Variants in SYN2 observed in about 807,000 individuals in gnomAD.
SYN2 encodes the protein synapsin-2.
A neutral mutation model predicts 50.9 loss-of-function variants in SYN2; 19 were observed. The observed-to-expected ratio is 0.37, with a 90% CI of 0.26 to 0.55. SYN2 has a LOEUF of 0.55. Among genes scored for constraint, SYN2 ranks in the 20% least tolerant of loss-of-function variants. SYN2 has a pLI of 0.81. For missense variants in SYN2, 587 were observed against 576.4 expected (o/e 1.02, Z -0.19); for synonymous variants, 255 against 224.9 (o/e 1.13, Z -1.20).
chr3:12,165,067 A>G (rs948945885), intron 7 of SYN2, among the ~76,000 whole-genome samples: 3 of 146,484 alleles, frequency 2.0e-5, no homozygotes, highest in Non-Finnish European at 4.5e-5. Flanking sequence ...GCTCACTGCA[A>G]CCTCCGCCTC....
chr3:12,168,347 G>A (rs764027540), intron 8 of SYN2, 29 bp from the exon 9 acceptor site: 7 of 1,597,012 alleles, frequency 4.4e-6, no homozygotes, highest in Admixed American at 3.4e-5. Flanking sequence ...AATTGCCCCA[G>A]CTTCAGGACA....
At chr3:12,173,653 C>T (rs1031707112) in intron 10 of SYN2, among the ~76,000 whole-genome samples, 5 of 152,188 alleles carry the variant, frequency 3.3e-5, no homozygotes, top group African/African-American at 4.8e-5. Context: ...CAGTGACTCA[C>T]GCCTGTAATC....
In SYN2 at chr3:12,004,632, G is replaced by C. The variant is rs1235136841; in HGVS notation, c.81G>C (p.Gln27His). ...NLPNGYMTDLQRPEPQQPPPP... is the reference protein window; with the variant it reads ...NLPNGYMTDLHRPEPQQPPPP... ...CCAACGGCTACATGACCGACCTGCA[G>C]CGGCCCGAGCCCCAGCAGCCGCCGC... is the stretch of plus-strand genomic sequence containing the variant. Residue 27 changes from glutamine (Q) to histidine (H), a missense_variant, in exon 1 of 13, where the codon CAG (glutamine) becomes CAC (histidine). Transcript: ENST00000621198. 2 of 525,348 alleles carry C rather than the reference G, an allele frequency of 3.8e-6. No individual in the cohort carries two copies. Among genetic ancestry groups the C allele is most frequent in the South Asian group, 5.5e-5 (2 of 36,216 alleles). 32.5% of individuals were successfully genotyped at this position (525,348 alleles called of 1,614,324 possible). A position where few individuals can be genotyped will look rare whatever the true frequency, so the allele number is the denominator to read the frequency against.
chr3:12,040,617 A>T (rs895121288), intron 1 of SYN2, among the ~76,000 whole-genome samples: 14 of 152,040 alleles, frequency 9.2e-5, no homozygotes, highest in African/African-American at 2.9e-4. Context: ...TATTTTTAGT[A>T]GAGACGGGGT....
intron 10 of SYN2, among the ~76,000 whole-genome samples, chr3:12,178,212 T>A (rs1698132898): frequency 6.6e-6 from 1 of 152,174 alleles, no homozygotes; most frequent in African/African-American, 2.4e-5. Flanking sequence ...GCCTGGCCTC[T>A]TTCCTGGGGC....
intron 1 of SYN2, among the ~76,000 whole-genome samples, chr3:12,130,664 AAC>A (rs1696778067): frequency 6.6e-6 from 1 of 152,216 alleles, no homozygotes; most frequent in Non-Finnish European, 1.5e-5. Context: ...TAATCAAGTT[AAC>A]ACATAAAATT....
intron 6 of SYN2, 122 bp from the exon 7 acceptor site, chr3:12,161,890 C>T: frequency 7.2e-7 from 1 of 1,379,628 alleles, no homozygotes. Flanking sequence ...AGATGTGGCA[C>T]CCAGATTAGT....
intron 1 of SYN2, among the ~76,000 whole-genome samples, chr3:12,038,548 A>G (rs1694549629): frequency 6.6e-6 from 1 of 152,132 alleles, no homozygotes; most frequent in Non-Finnish European, 1.5e-5. Context: ...CCATGAACAC[A>G]GATTTTTTTC....
chr3:12,095,986 A>G (rs538196011), intron 1 of SYN2, among the ~76,000 whole-genome samples: 4 of 152,056 alleles, frequency 2.6e-5, no homozygotes, highest in African/African-American at 7.2e-5. Context: ...CTTCAAACTC[A>G]TCTCCTTCCC....
chr3:12,053,658 C>T (rs1193666002), intron 1 of SYN2, among the ~76,000 whole-genome samples: 1 of 151,922 alleles, frequency 6.6e-6, no homozygotes, highest in Non-Finnish European at 1.5e-5. Flanking sequence ...CAATGTTTAC[C>T]ATACAGGACT....
intron 1 of SYN2, among the ~76,000 whole-genome samples, chr3:12,097,331 G>T (rs1695955804): frequency 6.6e-6 from 1 of 152,210 alleles, no homozygotes; most frequent in Admixed American, 6.5e-5. Flanking sequence ...TAATGGCCGG[G>T]TGCGGTGGCT....
chr3:12,174,000 ACTCC>A (rs780622667), intron 10 of SYN2, among the ~76,000 whole-genome samples: 7 of 151,564 alleles, frequency 4.6e-5, no homozygotes, highest in Non-Finnish European at 8.8e-5. Flanking sequence ...ACAGCTGACT[ACTCC>A]CTCCTCTAAA....
At chr3:12,025,612 A>G (rs753505902) in intron 1 of SYN2, among the ~76,000 whole-genome samples, 2 of 152,172 alleles carry the variant, frequency 1.3e-5, no homozygotes, top group African/African-American at 2.4e-5. Context: ...ATCACATTAC[A>G]TAGAAACTAC....
intron 1 of SYN2, among the ~76,000 whole-genome samples, chr3:12,116,468 C>G (rs191363164): frequency 6.6e-6 from 1 of 152,104 alleles, no homozygotes; most frequent in Admixed American, 6.6e-5. Flanking sequence ...TGGTGGCAAA[C>G]GAACTTTTTG....
At chr3:12,073,496 T>A (rs1695407135) in intron 1 of SYN2, among the ~76,000 whole-genome samples, 1 of 152,204 alleles carries the variant, frequency 6.6e-6, no homozygotes, top group Non-Finnish European at 1.5e-5. Flanking sequence ...TTCTCCAGTA[T>A]CCACAGTTTT....
intron 5 of SYN2, chr3:12,157,571 C>CTA (rs1361683935): frequency 6.1e-6 from 8 of 1,301,636 alleles, no homozygotes; most frequent in Non-Finnish European, 7.7e-6. Context: ...ATGAAGAAGT[C>CTA]TATAGGGCAG....
intron 5 of SYN2, chr3:12,154,284 C>T (rs1280688964): frequency 1.9e-6 from 3 of 1,613,494 alleles, no homozygotes; most frequent in Admixed American, 3.3e-5. Flanking sequence ...GCTCAGAACC[C>T]TTCCCCCATC....
intron 1 of SYN2, among the ~76,000 whole-genome samples, chr3:12,074,803 A>G (rs1369872243): frequency 1.3e-5 from 2 of 152,168 alleles, no homozygotes; most frequent in Non-Finnish European, 2.9e-5. Context: ...AGTTGGAACT[A>G]GTGAAAAGCC....
At chr3:12,027,361 A>T (rs923441918) in intron 1 of SYN2, among the ~76,000 whole-genome samples, 2 of 152,218 alleles carry the variant, frequency 1.3e-5, no homozygotes, top group Non-Finnish European at 2.9e-5. Context: ...CCTGTGAATT[A>T]CATTAGGTTG....
Sources: gnomAD v4.1 joint callset for allele counts (sites outside exome capture counted in the v4.1 genomes callset) on GRCh38, gnomAD v4.1.1 for gene constraint, MANE v1.5 for transcripts, NCBI Gene and HGNC (gene_info 2026-07-23, HGNC 2026-07-21) for gene names.